MEX3A: variants seen among roughly 807,000 people sequenced by gnomAD.
MEX3A encodes the protein RNA-binding protein MEX3A.
A neutral mutation model predicts 30.0 loss-of-function variants in MEX3A; 4 were observed. That is an observed-to-expected ratio of 0.13 (90% CI 0.07 to 0.30). The LOEUF (loss-of-function observed/expected upper bound fraction) is 0.30, where lower values mean the gene tolerates loss of function less well. MEX3A is among the 10% of genes least tolerant of loss of function. MEX3A has a pLI of 1.00. For synonymous variants in MEX3A, 335 were observed against 327.6 expected, an observed-to-expected ratio of 1.02 and a Z score of -0.24; for missense variants, 555 against 736.7, an observed-to-expected ratio of 0.75 and a Z score of 2.86.
intron 1 of MEX3A, among the ~76,000 whole-genome samples, chr1:156,078,465 G>C (rs1389116747): frequency 6.6e-6 from 1 of 152,192 alleles, no homozygotes. Flanking sequence ...CAAGACAGCT[G>C]AGCTGGGCTG....
In MEX3A at chr1:156,081,498, G is replaced by A. The variant is rs746194762; in HGVS notation, c.454+47C>T. 2.0e-6 allele frequency: 3 copies of A among 1,500,662 alleles called. No individual in the cohort carries two copies. In the African/African-American group the frequency reaches 4.2e-5, roughly 21 times the overall value. 93.0% of individuals were successfully genotyped at this position (1,500,662 alleles called of 1,614,324 possible). On this transcript the variant is annotated intron_variant, in intron 1 of 1. Coordinates refer to ENST00000532414, the MANE Select transcript of MEX3A (RefSeq NM_001093725.2). The stretch of plus-strand genomic sequence containing the variant: ...ATGAACTTTCCGCGCTAGGGACGAG[G>A]GTGCCCCCACTACAGTCCCTCTCAG...
At chr1:156,078,106 C>T (rs139735865) in intron 1 of MEX3A, among the ~76,000 whole-genome samples, 1 of 152,274 alleles carries the variant, frequency 6.6e-6, no homozygotes, top group Non-Finnish European at 1.5e-5. Flanking sequence ...ATCACTTAAT[C>T]ACCCCCCACA....
rs756756497 is a variant in MEX3A at position 156,076,925 on chromosome 1, G to C, written c.1212C>G (p.Leu404=). 3.1e-6 allele frequency: 5 copies of C among 1,594,732 alleles called. No homozygotes were observed. The change falls in exon 2 of 2, where the codon CTC becomes CTG. Residue 404 remains leucine, a synonymous_variant. Coordinates refer to ENST00000532414, the MANE Select transcript of MEX3A (RefSeq NM_001093725.2). This position sits in a 1 kb window ranked among gnomAD's most constrained non-coding sequence, Gnocchi z 6.0. Reference sequence around the variant, plus strand: ...AGGAGGAGGAGGAGGCAGAGGAGAAGAGCACGGAGGTGGGCGTGGCGTTCT... The same window carrying C: ...AGGAGGAGGAGGAGGCAGAGGAGAACAGCACGGAGGTGGGCGTGGCGTTCT... ...GQENATPTSV[L]FSSASSSSSS...
intron 1 of MEX3A, among the ~76,000 whole-genome samples, chr1:156,079,802 G>C (rs1228701853): frequency 6.6e-6 from 1 of 152,194 alleles, no homozygotes; most frequent in Non-Finnish European, 1.5e-5. Context: ...AGCGGTTGGG[G>C]TTGGGGTGAG....
In MEX3A at chr1:156,077,939, C is replaced by A. The variant is rs1648117510; in HGVS notation, c.455-257G>T. Among the ~76,000 whole-genome samples, 1 of 152,042 alleles carries A rather than the reference C, an allele frequency of 6.6e-6. No individual in the cohort carries two copies. The highest frequency in any genetic ancestry group is 2.4e-5 in the African/African-American group (1 of 41,380). ...ACTTTCCCTGAGTTCCATTCAGGGC[C>A]CTCCAAATTCATTCACTCCTCAAAA... is the stretch of plus-strand genomic sequence containing the variant. On this transcript the variant is annotated intron_variant, in intron 1 of 1. Coordinates refer to ENST00000532414, the MANE Select transcript of MEX3A (RefSeq NM_001093725.2). The surrounding 1 kb of genome is among the most constrained non-coding windows in gnomAD (Gnocchi z 8.3).
chr1:156,078,730 C>T (rs1648139154), intron 1 of MEX3A, among the ~76,000 whole-genome samples: 1 of 152,196 alleles, frequency 6.6e-6, no homozygotes, highest in Non-Finnish European at 1.5e-5. Context: ...TCACACAGAG[C>T]TTCCAAGACT....
rs1648032212 is a variant in MEX3A, at chr1:156,075,521, C to T, written c.*1053G>A. On this transcript the variant is annotated 3_prime_UTR_variant, in exon 2 of 2. Transcript: ENST00000532414. ...TTTGACCCTTTACCCCAGTATTAGT[C>T]CCCTCCTCACATTTTCACTGAGAAT... 6.5e-6 allele frequency: 1 copy of T among 152,758 alleles called. No homozygotes were observed. The highest frequency in any genetic ancestry group is 1.5e-5 in the Non-Finnish European group (1 of 68,050). 9.5% of individuals were successfully genotyped at this position (152,758 alleles called of 1,614,324 possible).
intron 1 of MEX3A, 103 bp downstream of exon 1, chr1:156,081,442 A>G: frequency 9.9e-7 from 1 of 1,012,184 alleles, no homozygotes; most frequent in Non-Finnish European, 1.5e-6. Context: ...TGGGGAAGGG[A>G]CAGAGCCGGA....
Position 156,074,322 on chromosome 1 carries a change from T to C in MEX3A, c.*2252A>G, listed in dbSNP as rs1647997956. On this transcript the variant is annotated 3_prime_UTR_variant, in exon 2 of 2. Coordinates refer to ENST00000532414, the MANE Select transcript of MEX3A (RefSeq NM_001093725.2). ...TTACCTAATAAAAAGTCTTTTTTTT[T>C]CATATTAGCCCAGGTTCTTTGCTAC... The C allele has an allele frequency of 6.6e-6, 1 of 152,166 alleles. No homozygotes were observed. Among genetic ancestry groups the C allele is most frequent in the South Asian group, 2.1e-4 (1 of 4,816 alleles). 9.4% of individuals were successfully genotyped at this position (152,166 alleles called of 1,614,324 possible).
chr1:156,081,947 C>A lies in MEX3A; in HGVS notation c.52G>T (p.Glu18Ter). 1 of 1,539,530 alleles carries A rather than the reference C, an allele frequency of 6.5e-7. No homozygotes were observed. The highest frequency in any genetic ancestry group is 8.8e-7 in the Non-Finnish European group (1 of 1,141,402). The stretch of plus-strand genomic sequence containing the variant: ...GCGCTTCCCCCGAAACATCCTAGTT[C>A]TCCAAAGCCCCCATTTCTTTCCATT... ...GIMERNGGFGELGCFGGSAKD... is the reference protein window; with the variant it reads ...GIMERNGGFG The change falls in exon 1 of 2, where the codon GAA becomes TAA. Residue 18 changes from glutamate to a stop codon, truncating the protein, a stop_gained. Transcript: ENST00000532414. LOFTEE classifies it high-confidence loss of function.
At position 156,072,514 on chromosome 1, in the gene MEX3A, T is replaced by C. The variant is rs943608598; in HGVS notation, c.*4060A>G. ...TTGGTGTAATGAAGCAGGCTCCTCC[T>C]GCCAAAAGGAGAGCCAAGGGGCCCC... On this transcript the variant is annotated 3_prime_UTR_variant, in exon 2 of 2. Transcript: ENST00000532414. 23 of 152,662 alleles carry C rather than the reference T, an allele frequency of 1.5e-4. No homozygotes were observed. The highest frequency in any genetic ancestry group is 5.6e-4 in the African/African-American group (23 of 41,400). The allele number at this position is 152,662 out of a possible 1,614,324, so 9.5% of individuals were successfully genotyped here. A position where few individuals can be genotyped will look rare whatever the true frequency, so the allele number is the denominator to read the frequency against.
At chr1:156,079,157 G>A (rs761473916) in intron 1 of MEX3A, among the ~76,000 whole-genome samples, 3 of 151,896 alleles carry the variant, frequency 2.0e-5, no homozygotes, top group South Asian at 2.1e-4. Context: ...CTTCTTCAAC[G>A]CTGGCAGATT....
chr1:156,081,724 G>A lies in MEX3A; in HGVS notation c.275C>T (p.Pro92Leu). 1.1e-6 allele frequency: 1 copy of A among 940,994 alleles called. No homozygotes were observed. Among genetic ancestry groups the A allele is most frequent in the Non-Finnish European group, 1.3e-6 (1 of 777,570 alleles). The allele number at this position is 940,994 out of a possible 1,614,324, so 58.3% of individuals were successfully genotyped here. Residue 92 changes from proline (P) to leucine (L), a missense_variant, in exon 1 of 2, where the codon CCG (proline) becomes CTG (leucine). Physicochemically the swap from Pro to Leu is moderately conservative, Grantham distance 98. Around this residue, in one of 6 missense-constraint regions of MEX3A, gnomAD observed 159 missense variants for 159.9 expected, o/e 0.99. Coordinates refer to ENST00000532414, the MANE Select transcript of MEX3A (RefSeq NM_001093725.2). ...PPPPAAPPAAPTAAPAAQTPQ... is the reference protein window; with the variant it reads ...PPPPAAPPAALTAAPAAQTPQ... ...CGTCTGCGCTGCGGGGGCCGCCGTC[G>A]GGGCGGCCGGGGGCGCCGCGGGCGG...
At chr1:156,080,004 G>A (rs1422035146) in intron 1 of MEX3A, among the ~76,000 whole-genome samples, 1 of 152,160 alleles carries the variant, frequency 6.6e-6, no homozygotes, top group Non-Finnish European at 1.5e-5. Context: ...GGTTAGACAA[G>A]AGGGAGGACT....
Position 156,076,921 on chromosome 1 carries a change from A to C in MEX3A, c.1216T>G (p.Ser406Ala). Residue 406 changes from serine to alanine, a missense_variant, in exon 2 of 2, where the codon TCC becomes GCC. Ser to Ala is a moderately conservative substitution (Grantham distance 99). This residue lies in a region of MEX3A where 281 missense variants were observed against 265.1 expected (regional missense o/e 1.06). Transcript: ENST00000532414. This position sits in a 1 kb window ranked among gnomAD's most constrained non-coding sequence, Gnocchi z 6.0. The stretch of plus-strand genomic sequence containing the variant: ...GAGGAGGAGGAGGAGGAGGCAGAGG[A>C]GAAGAGCACGGAGGTGGGCGTGGCG... ...ENATPTSVLF[S>A]SASSSSSSSA... 6.3e-7 allele frequency: 1 copy of C among 1,590,980 alleles called. No homozygotes were observed. Among genetic ancestry groups the C allele is most frequent in the South Asian group, 1.1e-5 (1 of 88,706 alleles).
At chr1:156,080,500 C>T (rs1179923728) in intron 1 of MEX3A, among the ~76,000 whole-genome samples, 1 of 152,060 alleles carries the variant, frequency 6.6e-6, no homozygotes, top group East Asian at 1.9e-4. Context: ...ACAGCTCCTC[C>T]CCCACCCCAC....
At position 156,075,675 on chromosome 1, in the gene MEX3A, T is replaced by A. The variant is rs1332406301; in HGVS notation, c.*899A>T. The A allele has an allele frequency of 6.5e-6, 1 of 152,840 alleles. No individual in the cohort carries two copies. Among genetic ancestry groups the A allele is most frequent in the Admixed American group, 6.6e-5 (1 of 15,260 alleles). 9.5% of individuals were successfully genotyped at this position (152,840 alleles called of 1,614,324 possible). A position where few individuals can be genotyped will look rare whatever the true frequency, so the allele number is the denominator to read the frequency against. On this transcript the variant is annotated 3_prime_UTR_variant, in exon 2 of 2. Transcript: ENST00000532414. ...CCCCTACTTCTCCCCAGAAGGATGG[T>A]GTCCCCAAAGCTGGGCTGGTAGGGG...
chr1:156,079,261 T>C (rs1558101761), intron 1 of MEX3A, among the ~76,000 whole-genome samples: 2 of 152,044 alleles, frequency 1.3e-5, no homozygotes, highest in Non-Finnish European at 2.9e-5. Context: ...TCACCCAGGC[T>C]GGAGTGCAGT....
rs1425139547 is a variant in MEX3A, at chr1:156,076,888, T to C, written c.1249A>G (p.Lys417Glu). Residue 417 changes from lysine to glutamate, a missense_variant, in exon 2 of 2, where the codon AAG (lysine) becomes GAG (glutamate). By Grantham distance (56) the Lys-to-Glu change is moderately conservative. This residue lies in a region of MEX3A where 281 missense variants were observed against 265.1 expected (regional missense o/e 1.06). Coordinates refer to ENST00000532414, the MANE Select transcript of MEX3A (RefSeq NM_001093725.2). The surrounding 1 kb of genome is among the most constrained non-coding windows in gnomAD (Gnocchi z 6.0). Reference protein sequence around the residue: ...SASSSSSSSAKARAGPPGAHR... With the variant: ...SASSSSSSSAEARAGPPGAHR... ...GCGCCCGGGGGCCCAGCGCGGGCCT[T>C]GGCGGAAGAGGAGGAGGAGGAGGAG... The C allele has an allele frequency of 2.6e-6, 4 of 1,549,438 alleles. No individual in the cohort carries two copies. The highest frequency in any genetic ancestry group is 3.5e-6 in the Non-Finnish European group (4 of 1,147,648).
Sources: gnomAD v4.1 joint callset for allele counts (sites outside exome capture counted in the v4.1 genomes callset) on GRCh38, gnomAD v4.1.1 for gene constraint, gnomAD v4.1.1 regional missense constraint, Gnocchi (gnomAD v3.1) non-coding constraint, MANE v1.5 for transcripts, NCBI Gene and HGNC (gene_info 2026-07-23, HGNC 2026-07-21) for gene names.